Variants in VIPR2 observed in about 807,000 individuals in gnomAD.
VIPR2 encodes vasoactive intestinal polypeptide receptor 2.
VIPR2 carries 48 observed loss-of-function variants against 58.0 expected under a neutral mutation model. The observed-to-expected ratio is 0.83, with a 90% CI of 0.66 to 1.05. VIPR2 has a LOEUF of 1.05. VIPR2 is among the 50% of genes least tolerant of loss of function. The probability of loss-of-function intolerance (pLI) is 0.00; values close to 1 mark genes in which losing one functional copy is unlikely to be tolerated. For synonymous variants in VIPR2, 243 were observed against 235.2 expected (o/e 1.03, Z -0.30); for missense variants, 534 against 558.0 (o/e 0.96, Z 0.43).
At chr7:159,126,835 G>A (rs1585550130) in intron 2 of VIPR2, among the ~76,000 whole-genome samples, 1 of 152,330 alleles carries the variant, frequency 6.6e-6, no homozygotes, top group Middle Eastern at 3.4e-3. Flanking sequence ...TCCAGCAAAC[G>A]TTTACTGAGC....
intron 5 of VIPR2, among the ~76,000 whole-genome samples, chr7:159,053,047 G>A (rs1459754245): frequency 6.6e-6 from 1 of 152,046 alleles, no homozygotes; most frequent in African/African-American, 2.4e-5. Flanking sequence ...AAAAATCCAA[G>A]TGAATTTATG....
chr7:159,031,731 A>G lies in VIPR2; in HGVS notation c.1143+97T>C, dbSNP rs1303490444. ...CCCGGGCAGTAACTCGAGCCCGCGG[A>G]AGACAGGCATGTGTGGGGGCTGCGG... is the stretch of plus-strand genomic sequence containing the variant. On this transcript the variant is annotated intron_variant, in intron 12 of 12. Transcript: ENST00000262178. The surrounding 1 kb of genome is among the most constrained non-coding windows in gnomAD (Gnocchi z 4.0). The G allele has an allele frequency of 1.2e-6, 2 of 1,602,632 alleles. No homozygotes were observed. The highest frequency in any genetic ancestry group is 1.7e-6 in the Non-Finnish European group (2 of 1,176,492).
intron 4 of VIPR2, among the ~76,000 whole-genome samples, chr7:159,064,562 T>G (rs186114218): frequency 1.3e-5 from 2 of 152,124 alleles, no homozygotes; most frequent in African/African-American, 2.4e-5. Flanking sequence ...CCACCCGCTG[T>G]CGGGTGGGGC....
intron 5 of VIPR2, among the ~76,000 whole-genome samples, chr7:159,048,518 T>C (rs1854784088): frequency 6.6e-6 from 1 of 152,222 alleles, no homozygotes; most frequent in Non-Finnish European, 1.5e-5. Context: ...CAAATTGAAC[T>C]ATACTGTGTG....
chr7:159,115,874 A>G (rs550934688), intron 2 of VIPR2, among the ~76,000 whole-genome samples: 28 of 152,340 alleles, frequency 1.8e-4, no homozygotes, highest in Non-Finnish European at 3.4e-4. Flanking sequence ...TAAGCACTCA[A>G]GTCAGCTTCC....
chr7:159,037,005 C>T (rs1036500003), intron 6 of VIPR2, 103 bp from the exon 7 acceptor site: 8 of 1,367,746 alleles, frequency 5.8e-6, no homozygotes, highest in Non-Finnish European at 7.9e-6. Flanking sequence ...GGTATCTGTG[C>T]AAGGAAGGAG....
At chr7:159,049,514 C>A (rs2129493680) in intron 5 of VIPR2, among the ~76,000 whole-genome samples, 1 of 152,294 alleles carries the variant, frequency 6.6e-6, no homozygotes, top group African/African-American at 2.4e-5. Flanking sequence ...AGAGCCAGGG[C>A]CATAGCGAGG....
intron 4 of VIPR2, among the ~76,000 whole-genome samples, chr7:159,092,612 G>A (rs954373385): frequency 6.6e-6 from 1 of 151,612 alleles, no homozygotes; most frequent in Non-Finnish European, 1.5e-5. Flanking sequence ...GGGCAATTTC[G>A]GGATGCTTTT....
At chr7:159,118,343 G>A (rs948770522) in intron 2 of VIPR2, among the ~76,000 whole-genome samples, 4 of 152,202 alleles carry the variant, frequency 2.6e-5, no homozygotes, top group African/African-American at 9.7e-5. Flanking sequence ...GTGATGGAGT[G>A]TGCTGCTGGA....
intron 6 of VIPR2, among the ~76,000 whole-genome samples, chr7:159,039,257 G>A (rs1413620221): frequency 2.0e-5 from 3 of 152,160 alleles, no homozygotes; most frequent in Non-Finnish European, 2.9e-5. Context: ...TCAGGGGTTC[G>A]AGACCAGCCT....
chr7:159,144,594 C>G (rs1464275262), intron 1 of VIPR2, 127 bp downstream of exon 1: 1 of 1,389,286 alleles, frequency 7.2e-7, no homozygotes, highest in East Asian at 2.9e-5. Flanking sequence ...ACCCCGCTCC[C>G]TCTCCCGGAC....
Position 159,031,638 on chromosome 7 carries a change from T to A in VIPR2, c.1143+190A>T, listed in dbSNP as rs1238669814. 1 of 985,228 alleles carries A rather than the reference T, an allele frequency of 1.0e-6. No individual in the cohort carries two copies. The highest frequency in any genetic ancestry group is 1.2e-6 in the Non-Finnish European group (1 of 829,926). 61.0% of individuals were successfully genotyped at this position (985,228 alleles called of 1,614,324 possible). A position where few individuals can be genotyped will look rare whatever the true frequency, so the allele number is the denominator to read the frequency against. ...CGGAAGGACGGCGGGGTTTGGAAGCTGGGCCCAGAAGAGTGGGTTTGCCTG... is the reference window on the plus strand; with the variant it reads ...CGGAAGGACGGCGGGGTTTGGAAGCAGGGCCCAGAAGAGTGGGTTTGCCTG... On this transcript the variant is annotated intron_variant, in intron 12 of 12. Coordinates refer to ENST00000262178, the MANE Select transcript of VIPR2 (RefSeq NM_003382.5). This position sits in a 1 kb window ranked among gnomAD's most constrained non-coding sequence, Gnocchi z 4.0.
chr7:159,031,636 G>T lies in VIPR2; in HGVS notation c.1143+192C>A. The T allele has an allele frequency of 1.0e-6, 1 of 985,444 alleles. No individual in the cohort carries two copies. Among genetic ancestry groups the T allele is most frequent in the Non-Finnish European group, 1.2e-6 (1 of 829,938 alleles). The allele number at this position is 985,444 out of a possible 1,614,324, so 61.0% of individuals were successfully genotyped here. ...GACGGAAGGACGGCGGGGTTTGGAAGCTGGGCCCAGAAGAGTGGGTTTGCC... is the reference window on the plus strand; with the variant it reads ...GACGGAAGGACGGCGGGGTTTGGAATCTGGGCCCAGAAGAGTGGGTTTGCC... On this transcript the variant is annotated intron_variant, in intron 12 of 12. Transcript: ENST00000262178. The surrounding 1 kb of genome is among the most constrained non-coding windows in gnomAD (Gnocchi z 4.0).
At chr7:159,104,591 G>A (rs1224856675) in intron 3 of VIPR2, among the ~76,000 whole-genome samples, 2 of 113,566 alleles carry the variant, frequency 1.8e-5, no homozygotes, top group Non-Finnish European at 3.4e-5. Flanking sequence ...GATGGTGACC[G>A]GGTACCCCAC....
intron 6 of VIPR2, 108 bp downstream of exon 6, chr7:159,042,927 G>T: frequency 7.1e-7 from 1 of 1,411,210 alleles, no homozygotes; most frequent in Non-Finnish European, 9.5e-7. Context: ...CCATGACCCT[G>T]TGCCCTGACA....
In VIPR2 at chr7:159,098,189, A is replaced by G. The variant is rs1226618948; in HGVS notation, c.357+5568T>C. ...ATCAGCACAGAAGAGTTGTGATGGG[A>G]TGAAGGGCAGGGCAGGGCAGGGCCG... is the stretch of plus-strand genomic sequence containing the variant. On this transcript the variant is annotated intron_variant, in intron 4 of 12. Coordinates refer to ENST00000262178, the MANE Select transcript of VIPR2 (RefSeq NM_003382.5). The surrounding 1 kb of genome is among the most constrained non-coding windows in gnomAD (Gnocchi z 5.2). Among the ~76,000 whole-genome samples the G allele has an allele frequency of 6.6e-6, 1 of 152,168 alleles. No homozygotes were observed. The highest frequency in any genetic ancestry group is 2.4e-5 in the African/African-American group (1 of 41,446).
intron 4 of VIPR2, among the ~76,000 whole-genome samples, chr7:159,067,366 G>A (rs1408778542): frequency 6.6e-6 from 1 of 152,208 alleles, no homozygotes; most frequent in Non-Finnish European, 1.5e-5. Context: ...CCAGGTGTGT[G>A]GGGGCAGGTC....
At chr7:159,129,329 G>C (rs1358074298) in intron 2 of VIPR2, among the ~76,000 whole-genome samples, 3 of 129,798 alleles carry the variant, frequency 2.3e-5, no homozygotes, top group Non-Finnish European at 4.8e-5. Context: ...CCCTCAAACT[G>C]GACTCTGGTG....
chr7:159,065,960 T>G (rs867791277), intron 4 of VIPR2, among the ~76,000 whole-genome samples: 1 of 152,272 alleles, frequency 6.6e-6, no homozygotes, highest in Non-Finnish European at 1.5e-5. Flanking sequence ...CAAATTCATT[T>G]AACCCAACAT....
Sources: gnomAD v4.1 joint callset for allele counts (sites outside exome capture counted in the v4.1 genomes callset) on GRCh38, gnomAD v4.1.1 for gene constraint, Gnocchi (gnomAD v3.1) non-coding constraint, MANE v1.5 for transcripts, NCBI Gene and HGNC (gene_info 2026-07-23, HGNC 2026-07-21) for gene names.